The following CHODL variants were observed in gnomAD, a reference collection of about 807,000 sequenced individuals.
CHODL encodes the protein transmembrane protein MT75.
A neutral mutation model predicts 34.5 loss-of-function variants in CHODL; 29 were observed. That is an observed-to-expected ratio of 0.84 (90% confidence interval 0.63 to 1.15). The LOEUF (loss-of-function observed/expected upper bound fraction) is 1.15, where lower values mean the gene tolerates loss of function less well. Among genes scored for constraint, CHODL ranks in the 50% most tolerant of loss-of-function variants. The pLI, the probability that CHODL is intolerant of heterozygous loss-of-function variation, is 0.00. For missense variants in CHODL, 332 were observed against 332.5 expected (o/e 1.00, Z 0.01); for synonymous variants, 125 against 116.1 (o/e 1.08, Z -0.49).
chr21:18,209,127 C>T (rs1175993667), intron 2 of CHODL, among the ~76,000 whole-genome samples: 1 of 152,200 alleles, frequency 6.6e-6, no homozygotes, highest in African/African-American at 2.4e-5. Flanking sequence ...CTCCCTGGCC[C>T]TGGGCAGATC....
chr21:18,017,726 G>T (rs1170003373), intron 1 of CHODL, among the ~76,000 whole-genome samples: 1 of 152,204 alleles, frequency 6.6e-6, no homozygotes, highest in Admixed American at 6.5e-5. Context: ...CACACAGTGT[G>T]CCCACTGGGC....
At chr21:18,252,350 G>T (rs1369550506) in intron 1 of CHODL, among the ~76,000 whole-genome samples, 1 of 152,160 alleles carries the variant, frequency 6.6e-6, no homozygotes, top group Non-Finnish European at 1.5e-5. Flanking sequence ...TTATCTCACA[G>T]AATGAGACGA....
At chr21:18,078,668 G>C (rs1372515378) in intron 2 of CHODL, among the ~76,000 whole-genome samples, 1 of 152,106 alleles carries the variant, frequency 6.6e-6, no homozygotes, top group East Asian at 1.9e-4. Context: ...AGATAAGAAT[G>C]CCTTATTCAT....
At chr21:18,208,541 G>A (rs2073738499) in intron 2 of CHODL, among the ~76,000 whole-genome samples, 1 of 152,058 alleles carries the variant, frequency 6.6e-6, no homozygotes, top group Admixed American at 6.6e-5. Flanking sequence ...CTTGATGCTT[G>A]TGAATGTTTG....
intron 2 of CHODL, among the ~76,000 whole-genome samples, chr21:18,225,423 A>G (rs1411022319): frequency 6.6e-6 from 1 of 152,158 alleles, no homozygotes. Flanking sequence ...TTAGAAAAAA[A>G]TCTGATAAAA....
chr21:18,051,383 A>C (rs1376485493), intron 2 of CHODL, among the ~76,000 whole-genome samples: 2 of 151,540 alleles, frequency 1.3e-5, no homozygotes, highest in Non-Finnish European at 2.9e-5. Flanking sequence ...GGTTTGACTA[A>C]AGGTTAGGTA....
intron 1 of CHODL, among the ~76,000 whole-genome samples, chr21:18,014,480 G>A (rs2064052062): frequency 6.6e-6 from 1 of 152,172 alleles, no homozygotes. Flanking sequence ...CTACTACACA[G>A]AAGGGAGATG....
chr21:18,162,936 C>T (rs932637444), intron 2 of CHODL, among the ~76,000 whole-genome samples: 1 of 152,188 alleles, frequency 6.6e-6, no homozygotes, highest in African/African-American at 2.4e-5. Context: ...CCAACATGCT[C>T]AGTTCCATTC....
chr21:18,085,407 T>C (rs189066693), intron 2 of CHODL, among the ~76,000 whole-genome samples: 3 of 152,320 alleles, frequency 2.0e-5, no homozygotes, highest in South Asian at 2.1e-4. Context: ...TTCTATCTTA[T>C]TGACATTTGA....
chr21:18,147,128 A>G (rs889762390), intron 2 of CHODL, among the ~76,000 whole-genome samples: 3 of 152,210 alleles, frequency 2.0e-5, no homozygotes, highest in Non-Finnish European at 2.9e-5. Flanking sequence ...TTTTGCTAGA[A>G]AGGTTTTGAC....
chr21:18,082,638 A>G (rs567826991), intron 2 of CHODL, among the ~76,000 whole-genome samples: 90 of 152,300 alleles, frequency 5.9e-4, no homozygotes, highest in Middle Eastern at 3.4e-3. Flanking sequence ...ACCTATTGAG[A>G]ACTGTAGTAA....
intron 1 of CHODL, among the ~76,000 whole-genome samples, chr21:18,011,515 CTT>C: frequency 6.6e-6 from 1 of 152,174 alleles, no homozygotes; most frequent in Admixed American, 6.5e-5. Flanking sequence ...ATTATTTTCT[CTT>C]ATTGAAAATG....
chr21:18,165,152 A>T (rs2073137642), intron 2 of CHODL, among the ~76,000 whole-genome samples: 1 of 152,310 alleles, frequency 6.6e-6, no homozygotes, highest in Non-Finnish European at 1.5e-5. Context: ...TTGTGAAACA[A>T]AAACGCCTCC....
chr21:18,177,552 A>G (rs766132507), intron 2 of CHODL, among the ~76,000 whole-genome samples: 1 of 152,170 alleles, frequency 6.6e-6, no homozygotes. Flanking sequence ...GTATCAATCT[A>G]CTTCACAAAC....
intron 2 of CHODL, among the ~76,000 whole-genome samples, chr21:18,178,005 A>G (rs1389452919): frequency 2.6e-5 from 4 of 152,100 alleles, no homozygotes; most frequent in Non-Finnish European, 5.9e-5. Flanking sequence ...TTCCTCTCCA[A>G]TTTCCACAGT....
intron 1 of CHODL, among the ~76,000 whole-genome samples, chr21:17,994,494 G>A (rs2063828992): frequency 1.3e-5 from 2 of 152,206 alleles, no homozygotes; most frequent in African/African-American, 4.8e-5. Context: ...CAGGCTTGGT[G>A]GGTTAGTCCT....
intron 2 of CHODL, among the ~76,000 whole-genome samples, chr21:18,043,108 C>G (rs2064396480): frequency 6.6e-6 from 1 of 151,944 alleles, no homozygotes; most frequent in South Asian, 2.1e-4. Flanking sequence ...GTTGTATGCT[C>G]TTAATGATCC....
At chr21:17,996,252 A>T (rs1436622917) in intron 1 of CHODL, among the ~76,000 whole-genome samples, 1 of 152,200 alleles carries the variant, frequency 6.6e-6, no homozygotes, top group South Asian at 2.1e-4. Flanking sequence ...AATGTAAATT[A>T]TAGTCTAAAG....
chr21:18,210,626 A>T (rs1489978475), intron 2 of CHODL, among the ~76,000 whole-genome samples: 2 of 152,198 alleles, frequency 1.3e-5, no homozygotes, highest in Non-Finnish European at 2.9e-5. Flanking sequence ...AGACCCATCC[A>T]GTCCAATCCA....
Sources: allele counts gnomAD v4.1 joint callset (sites outside exome capture counted in the v4.1 genomes callset), GRCh38; gene constraint gnomAD v4.1.1; transcripts MANE v1.5; gene names NCBI Gene and HGNC (gene_info 2026-07-23, HGNC 2026-07-21).